Variants in LSM14A observed in about 807,000 individuals in gnomAD.
LSM14A encodes the protein protein LSM14 homolog A.
Under a neutral mutation model 52.4 loss-of-function variants are expected in LSM14A, and 14 were observed. The observed-to-expected ratio is 0.27, with a 90% CI of 0.18 to 0.42. The LOEUF is 0.42. Ranked by LOEUF, LSM14A falls within the 10% of genes least tolerant of loss-of-function variation. The pLI, the probability that LSM14A is intolerant of heterozygous loss-of-function variation, is 1.00. For synonymous variants in LSM14A, 185 were observed against 200.3 expected (o/e 0.92, Z 0.64); for missense variants, 417 against 581.8 (o/e 0.72, Z 2.91).
intron 3 of LSM14A, among the ~76,000 whole-genome samples, chr19:34,207,549 T>TTTTA (rs2071794702): frequency 1.3e-5 from 2 of 150,798 alleles, no homozygotes; most frequent in African/African-American, 4.9e-5. Flanking sequence ...TTTTTTTTTT[T>TTTTA]GAGACAGAGT....
intron 1 of LSM14A, among the ~76,000 whole-genome samples, chr19:34,178,032 A>G (rs1219386113): frequency 6.6e-6 from 1 of 152,028 alleles, no homozygotes; most frequent in Admixed American, 6.6e-5. Context: ...GTGCTGGTGC[A>G]TGTCTGTAAT....
At chr19:34,183,271 G>A (rs575709405) in intron 1 of LSM14A, among the ~76,000 whole-genome samples, 3 of 151,630 alleles carry the variant, frequency 2.0e-5, no homozygotes, top group East Asian at 1.9e-4. Flanking sequence ...ACATAAACCC[G>A]GCCGGGCGCA....
At chr19:34,200,047 G>A (rs1198460920) in intron 3 of LSM14A, among the ~76,000 whole-genome samples, 2 of 152,200 alleles carry the variant, frequency 1.3e-5, no homozygotes, top group Non-Finnish European at 2.9e-5. Flanking sequence ...TGTGTCTCCT[G>A]TTGTGATGAT....
intron 3 of LSM14A, among the ~76,000 whole-genome samples, chr19:34,206,983 C>G (rs577265292): frequency 6.6e-6 from 1 of 152,280 alleles, no homozygotes; most frequent in South Asian, 2.1e-4. Flanking sequence ...TAGACCCACT[C>G]AGATACTTAA....
At chr19:34,208,417 T>C (rs534785697) in intron 3 of LSM14A, 1 of 152,390 alleles carries the variant, frequency 6.6e-6, no homozygotes, top group African/African-American at 2.4e-5. Context: ...GCCAGAACTT[T>C]TTGCAGCTGC....
intron 3 of LSM14A, among the ~76,000 whole-genome samples, chr19:34,205,331 CAAAA>C (rs200602988): frequency 0.027 from 4,129 of 151,022 alleles, 89 homozygotes; most frequent in Admixed American, 0.05. Context: ...TACAAAAATA[CAAAA>C]ATTAGCCAGG....
chr19:34,222,059 C>G (rs1381807738), intron 9 of LSM14A, among the ~76,000 whole-genome samples: 1 of 152,074 alleles, frequency 6.6e-6, no homozygotes, highest in Non-Finnish European at 1.5e-5. Flanking sequence ...ATAGTATTTA[C>G]CAAGTAACAA....
intron 3 of LSM14A, among the ~76,000 whole-genome samples, chr19:34,204,023 A>G (rs1332755834): frequency 6.6e-6 from 1 of 152,320 alleles, no homozygotes; most frequent in East Asian, 1.9e-4. Flanking sequence ...AGTGTGTAGC[A>G]TACGTTAATA....
intron 4 of LSM14A, among the ~76,000 whole-genome samples, chr19:34,214,747 C>G (rs1463316768): frequency 6.6e-6 from 1 of 151,716 alleles, no homozygotes; most frequent in Admixed American, 6.6e-5. Context: ...TTGGCGAAAG[C>G]CTGTGTTTGA....
intron 1 of LSM14A, among the ~76,000 whole-genome samples, chr19:34,179,097 T>G (rs2069289148): frequency 6.6e-6 from 1 of 152,228 alleles, no homozygotes; most frequent in Admixed American, 6.5e-5. Flanking sequence ...GGATAATCAT[T>G]CAAATGGAAA....
At position 34,221,626 on chromosome 19, in the gene LSM14A, G is replaced by A. The variant is rs764025831; in HGVS notation, c.1256G>A (p.Gly419Asp). The A allele has an allele frequency of 6.2e-7, 1 of 1,614,146 alleles. No homozygotes were observed. Among genetic ancestry groups the A allele is most frequent in the South Asian group, 1.1e-5 (1 of 91,080 alleles). ...GGCAGAGGAGGTCTTGGTTTCCGTG[G>A]TGGCAGAGGGCGTGGTGGTGGCAGA... Reference protein sequence around the residue: ...YRGRGGLGFRGGRGRGGGRGG... With the variant: ...YRGRGGLGFRDGRGRGGGRGG... Residue 419 changes from glycine (G) to aspartate (D), a missense_variant, in exon 9 of 10, where the codon GGT (glycine) becomes GAT (aspartate). This residue lies in a region of LSM14A where 357 missense variants were observed against 457.0 expected (regional missense o/e 0.78). Transcript: ENST00000544216.
intron 3 of LSM14A, among the ~76,000 whole-genome samples, chr19:34,197,427 T>A (rs1243986562): frequency 1.6e-5 from 2 of 123,656 alleles, no homozygotes; most frequent in Non-Finnish European, 3.2e-5. Flanking sequence ...TTTAATTTCT[T>A]TTTCTTTTTT....
chr19:34,196,024 A>G (rs1037614414), intron 2 of LSM14A, among the ~76,000 whole-genome samples: 1 of 152,192 alleles, frequency 6.6e-6, no homozygotes, highest in African/African-American at 2.4e-5. Context: ...AATACACTTC[A>G]TGTTTATATT....
rs555619839 is a variant in LSM14A, at chr19:34,172,877, G to A, written c.121+114G>A. On this transcript the variant is annotated intron_variant, in intron 1 of 9. Transcript: ENST00000544216. ...CCCCTCCCTCCGTCGAGCTCCGGGA[G>A]GCCTCTCGCCTCCCTTCTCCGGGCC... The A allele has an allele frequency of 6.9e-4, 882 of 1,270,300 alleles. 1 individual carries two copies. The highest frequency in any genetic ancestry group is 8.9e-4 in the Non-Finnish European group (854 of 961,772). 78.7% of individuals were successfully genotyped at this position (1,270,300 alleles called of 1,614,324 possible).
chr19:34,217,396 A>G (rs1339756814), intron 6 of LSM14A, among the ~76,000 whole-genome samples: 1 of 151,678 alleles, frequency 6.6e-6, no homozygotes, highest in Non-Finnish European at 1.5e-5. Context: ...ACATTCTAAA[A>G]TCATTCATTT....
chr19:34,203,802 CAAA>C (rs4012715), intron 3 of LSM14A, among the ~76,000 whole-genome samples: 106 of 131,158 alleles, frequency 8.1e-4, no homozygotes, highest in Non-Finnish European at 9.4e-4. Context: ...GACCCTGTCT[CAAA>C]AAAAAAAAAA....
At chr19:34,191,021 A>G (rs146787443) in intron 1 of LSM14A, among the ~76,000 whole-genome samples, 193 of 152,138 alleles carry the variant, frequency 1.3e-3, no homozygotes, top group Non-Finnish European at 2.4e-3. Context: ...GGCAGCAGTT[A>G]ACTGTTGGAT....
Position 34,219,569 on chromosome 19 carries a change from A to T in LSM14A, c.960A>T (p.Leu320Phe). Residue 320 changes from leucine (L) to phenylalanine (F), a missense_variant, in exon 7 of 10, where the codon TTA becomes TTT. By Grantham distance (22) the Leu-to-Phe change is conservative (BLOSUM62 0). Around this residue, in one of 2 missense-constraint regions of LSM14A, gnomAD observed 357 missense variants for 457.0 expected, o/e 0.78. Coordinates refer to ENST00000544216, the MANE Select transcript of LSM14A (RefSeq NM_015578.4). ...GAGAGTTTCATAATAAACTTAAATTAAAAGGTAAGCTTTGATTTTTCTTTT... is the reference window on the plus strand; with the variant it reads ...GAGAGTTTCATAATAAACTTAAATTTAAAGGTAAGCTTTGATTTTTCTTTT... ...IDREFHNKLK[L>F]KEDKLEKQEK... The T allele has an allele frequency of 4.4e-6, 7 of 1,606,518 alleles. No individual in the cohort carries two copies. Among genetic ancestry groups the T allele is most frequent in the Non-Finnish European group, 6.0e-6 (7 of 1,175,482 alleles).
At chr19:34,218,295 C>G (rs530952338) in intron 6 of LSM14A, among the ~76,000 whole-genome samples, 10 of 152,090 alleles carry the variant, frequency 6.6e-5, no homozygotes, top group African/African-American at 2.4e-4. Flanking sequence ...TGAGCCACCG[C>G]GCCTGGCCCC....
Sources: allele counts gnomAD v4.1 joint callset (sites outside exome capture counted in the v4.1 genomes callset), GRCh38; gene constraint gnomAD v4.1.1; regional missense constraint gnomAD v4.1.1; transcripts MANE v1.5; gene names NCBI Gene and HGNC (gene_info 2026-07-23, HGNC 2026-07-21).